Variants in ANO5 observed in about 807,000 individuals in gnomAD.
The protein encoded by ANO5 is anoctamin-5.
In ANO5, 109 loss-of-function variants were observed where a neutral mutation model predicts 121.0. That is an observed-to-expected ratio of 0.90 (90% confidence interval 0.77 to 1.06). The LOEUF (loss-of-function observed/expected upper bound fraction) is 1.06, where lower values mean the gene tolerates loss of function less well. ANO5 is among the 50% of genes least tolerant of loss of function. The pLI is 0.00. For synonymous variants in ANO5, 406 were observed against 359.9 expected, an observed-to-expected ratio of 1.13 and a Z score of -1.45; for missense variants, 1,064 against 1,078.5, an observed-to-expected ratio of 0.99 and a Z score of 0.19.
intron 5 of ANO5, among the ~76,000 whole-genome samples, chr11:22,225,405 T>C (rs1262261887): frequency 6.6e-6 from 1 of 152,076 alleles, no homozygotes; most frequent in African/African-American, 2.4e-5. Context: ...TATAATGGGC[T>C]GTGATCACAA....
At chr11:22,230,541 G>C (rs955017793) in intron 7 of ANO5, among the ~76,000 whole-genome samples, 9 of 151,852 alleles carry the variant, frequency 5.9e-5, no homozygotes, top group African/African-American at 2.2e-4. Context: ...TTAAATTTCA[G>C]TTTGTAAAAT....
In ANO5 at chr11:22,276,187, C is replaced by G; in HGVS notation, c.2508C>G (p.Ile836Met). ...WHVLAAKMTF[I>M]IVMEHVVFLV... is the part of the protein sequence containing the mutation. ...TCCTTGCTGCCAAGATGACCTTCATCATTGTTATGGAAGTAAGCTGTTCTT... is the reference window on the plus strand; with the variant it reads ...TCCTTGCTGCCAAGATGACCTTCATGATTGTTATGGAAGTAAGCTGTTCTT... The change falls in exon 21 of 22, where the codon ATC (isoleucine) becomes ATG (methionine). Residue 836 changes from isoleucine (I) to methionine (M), a missense_variant. Transcript: ENST00000324559. 1 of 1,608,556 alleles carries G rather than the reference C, an allele frequency of 6.2e-7. No individual in the cohort carries two copies. The highest frequency in any genetic ancestry group is 1.3e-5 in the African/African-American group (1 of 74,844).
At chr11:22,265,003 C>G (rs1854314491) in intron 17 of ANO5, among the ~76,000 whole-genome samples, 1 of 151,860 alleles carries the variant, frequency 6.6e-6, no homozygotes, top group African/African-American at 2.4e-5. Flanking sequence ...ACTAGTAGTT[C>G]CAGAAAAAGT....
intron 17 of ANO5, among the ~76,000 whole-genome samples, chr11:22,265,850 A>G (rs1002662948): frequency 2.0e-5 from 3 of 152,168 alleles, no homozygotes; most frequent in African/African-American, 2.4e-5. Context: ...ACTACAAACT[A>G]TATTAATCAA....
chr11:22,273,881 A>T (rs368968873), intron 19 of ANO5, among the ~76,000 whole-genome samples: 11 of 152,122 alleles, frequency 7.2e-5, no homozygotes, highest in African/African-American at 2.7e-4. Flanking sequence ...TGCCAGATCT[A>T]TTCAGTGAGT....
intron 14 of ANO5, 114 bp downstream of exon 14, chr11:22,257,868 G>C (rs1402827111): frequency 1.2e-5 from 10 of 867,660 alleles, no homozygotes; most frequent in Non-Finnish European, 1.9e-5. Flanking sequence ...TCCCTCCCTG[G>C]TCTTTTTATC....
chr11:22,209,605 T>C (rs1037877512), intron 2 of ANO5, among the ~76,000 whole-genome samples: 6 of 151,956 alleles, frequency 3.9e-5, no homozygotes, highest in African/African-American at 1.4e-4. Flanking sequence ...AATATTTCTT[T>C]AAGAATGCTG....
chr11:22,193,932 A>C (rs763567325), intron 1 of ANO5, among the ~76,000 whole-genome samples: 8 of 152,206 alleles, frequency 5.3e-5, no homozygotes, highest in Non-Finnish European at 1.2e-4. Flanking sequence ...AGCAGTATAG[A>C]GTGCAAGACA....
intron 10 of ANO5, 86 bp from the exon 11 acceptor site, chr11:22,250,655 A>G: frequency 7.6e-7 from 1 of 1,316,586 alleles, no homozygotes; most frequent in South Asian, 1.2e-5. Flanking sequence ...GTGAGAAGTT[A>G]TATAAGTAGT....
In ANO5 at chr11:22,279,789, G is replaced by A. The variant is rs1316594294; in HGVS notation, c.*24G>A. 6.3e-7 allele frequency: 1 copy of A among 1,587,776 alleles called. No homozygotes were observed. Among genetic ancestry groups the A allele is most frequent in the Non-Finnish European group, 8.6e-7 (1 of 1,158,394 alleles). On this transcript the variant is annotated 3_prime_UTR_variant, in exon 22 of 22. Coordinates refer to ENST00000324559, the MANE Select transcript of ANO5 (RefSeq NM_213599.3). ...AATCAGTATAGTGAGGAAGCAGCAG[G>A]TGATCTGCCTTACTTCACTTTATCC...
rs199703303 is a variant in ANO5 at position 22,193,550 on chromosome 11, G to A, written c.40+18G>A. 6.2e-7 allele frequency: 1 copy of A among 1,611,172 alleles called. No individual in the cohort carries two copies. The highest frequency in any genetic ancestry group is 8.5e-7 in the Non-Finnish European group (1 of 1,179,190). ...GGAGGAAGGTAGGACCGCGCCAAGA[G>A]GCGTCAAGGGAGAGCCAGGCTGGCT... On this transcript the variant is annotated intron_variant, in intron 1 of 21. Coordinates refer to ENST00000324559, the MANE Select transcript of ANO5 (RefSeq NM_213599.3).
intron 3 of ANO5, 117 bp from the exon 4 acceptor site, chr11:22,218,129 A>ACACACACACACG (rs1329240124): frequency 9.4e-7 from 1 of 1,063,150 alleles, no homozygotes; most frequent in Non-Finnish European, 1.4e-6. Flanking sequence ...ACACACACAC[A>ACACACACACACG]CACACACACA....
chr11:22,259,379 G>T (rs1362440953), intron 14 of ANO5, 140 bp from the exon 15 acceptor site: 101 of 852,764 alleles, frequency 1.2e-4, no homozygotes, highest in Non-Finnish European at 7.7e-6. Flanking sequence ...TAGGGAAAGA[G>T]AGACTGACTT....
intron 1 of ANO5, among the ~76,000 whole-genome samples, chr11:22,193,910 C>A (rs967947849): frequency 2.6e-5 from 4 of 152,244 alleles, no homozygotes; most frequent in Middle Eastern, 3.4e-3. Flanking sequence ...CGAAGGCTTT[C>A]CCAAAAAAAG....
chr11:22,269,473 AG>A (rs1854517186), intron 17 of ANO5, among the ~76,000 whole-genome samples: 6 of 79,716 alleles, frequency 7.5e-5, no homozygotes, highest in African/African-American at 3.2e-4. Context: ...AGGAGAAAAA[AG>A]AAAAGAAAGG....
intron 18 of ANO5, among the ~76,000 whole-genome samples, chr11:22,272,544 T>C (rs1854660146): frequency 1.3e-5 from 2 of 152,134 alleles, no homozygotes; most frequent in Non-Finnish European, 2.9e-5. Context: ...AGCATATCTC[T>C]AAAGGAAGAG....
intron 9 of ANO5, among the ~76,000 whole-genome samples, chr11:22,246,830 T>G (rs1390955791): frequency 9.2e-6 from 1 of 108,950 alleles, no homozygotes; most frequent in African/African-American, 3.7e-5. Context: ...CCCTACAACC[T>G]AGCACAACAG....
rs192046358 is a variant in ANO5 at position 22,272,299 on chromosome 11, C to T, written c.2030-485C>T. ...TTCTAGAAAATGTATATTTCCTTTT[C>T]CGGCACACACACACACACACACACA... is the stretch of plus-strand genomic sequence containing the variant. On this transcript the variant is annotated intron_variant, in intron 18 of 21. Transcript: ENST00000324559. Among the ~76,000 whole-genome samples, 244 of 122,096 alleles carry T rather than the reference C, an allele frequency of 2.0e-3. 1 individual carries two copies. The highest frequency in any genetic ancestry group is 9.9e-3 in the South Asian group (36 of 3,648). 80.1% of individuals were successfully genotyped at this position (122,096 alleles called of 152,430 possible). A position where few individuals can be genotyped will look rare whatever the true frequency, so the allele number is the denominator to read the frequency against.
At chr11:22,234,426 C>T (rs981395064) in intron 7 of ANO5, among the ~76,000 whole-genome samples, 3 of 152,132 alleles carry the variant, frequency 2.0e-5, no homozygotes, top group Non-Finnish European at 4.4e-5. Flanking sequence ...TCCCCACAAG[C>T]TTCATCATAA....
Sources: gnomAD v4.1 joint callset for allele counts (sites outside exome capture counted in the v4.1 genomes callset) on GRCh38, gnomAD v4.1.1 for gene constraint, MANE v1.5 for transcripts, NCBI Gene and HGNC (gene_info 2026-07-23, HGNC 2026-07-21) for gene names.